The following NRXN3 variants were observed in gnomAD, a reference collection of about 807,000 sequenced individuals.
NRXN3 encodes neurexin 3.
Under a neutral mutation model 137.6 loss-of-function variants are expected in NRXN3, and 32 were observed. The ratio of observed to expected loss-of-function variants is 0.23; its 90% CI spans 0.18 to 0.31. The LOEUF is 0.31. Among genes scored for constraint, NRXN3 ranks in the 10% least tolerant of loss-of-function variants. The pLI, the probability that NRXN3 is intolerant of heterozygous loss-of-function variation, is 1.00. For missense variants in NRXN3, 1,574 were observed against 2,062.5 expected, an observed-to-expected ratio of 0.76 and a Z score of 4.59; for synonymous variants, 798 against 784.5, an observed-to-expected ratio of 1.02 and a Z score of -0.29.
intron 16 of NRXN3, among the ~76,000 whole-genome samples, chr14:79,545,693 T>C (rs553207480): frequency 6.6e-6 from 1 of 152,150 alleles, no homozygotes; most frequent in African/African-American, 2.4e-5. Flanking sequence ...TTGTTGTTTT[T>C]TCACCAGGAA....
At chr14:79,163,161 A>G (rs531209079) in intron 15 of NRXN3, among the ~76,000 whole-genome samples, 1 of 152,076 alleles carries the variant, frequency 6.6e-6, no homozygotes, top group East Asian at 2.0e-4. Flanking sequence ...GTTTACAAAA[A>G]TAAACTTATC....
In NRXN3 at chr14:78,226,077, C is replaced by T. The variant is rs532996896; in HGVS notation, c.-703-16314C>T. Among the ~76,000 whole-genome samples, 14 of 152,072 alleles carry T rather than the reference C, an allele frequency of 9.2e-5. No homozygotes were observed. In the South Asian group the frequency reaches 2.9e-3, roughly 32 times the overall value. Reference sequence around the variant, plus strand: ...AGAATGCAGTGGCCTGATCTCCGCTCACTGCAACATCTGCCTCCTGGGTTC... The same window carrying T: ...AGAATGCAGTGGCCTGATCTCCGCTTACTGCAACATCTGCCTCCTGGGTTC... On this transcript the variant is annotated intron_variant, in intron 1 of 20. Transcript: ENST00000335750.
intron 20 of NRXN3, among the ~76,000 whole-genome samples, chr14:79,825,206 C>CTTT (rs11449914): frequency 0.12 from 14,691 of 117,592 alleles, 1,242 homozygotes; most frequent in South Asian, 0.21. Flanking sequence ...TCTTTGTGTG[C>CTTT]TTTTTTTTTT....
chr14:78,450,367 G>T (rs11624575), intron 4 of NRXN3, among the ~76,000 whole-genome samples: 7 of 152,224 alleles, frequency 4.6e-5, no homozygotes, highest in East Asian at 3.8e-4. Flanking sequence ...TGTTTGTGCA[G>T]CTGTGTGCAT....
intron 11 of NRXN3, among the ~76,000 whole-genome samples, chr14:78,963,312 A>G (rs17108425): frequency 0.034 from 5,153 of 152,214 alleles, 296 homozygotes; most frequent in African/African-American, 0.12. Context: ...TGGAACCTCA[A>G]TCTTCACCAG....
intron 4 of NRXN3, among the ~76,000 whole-genome samples, chr14:78,301,187 C>G (rs1480176993): frequency 6.6e-6 from 1 of 151,566 alleles, no homozygotes; most frequent in African/African-American, 2.4e-5. Context: ...TCTTTTTTTC[C>G]TGTGTTGTTT....
intron 4 of NRXN3, among the ~76,000 whole-genome samples, chr14:78,323,836 T>C (rs1343487218): frequency 6.6e-6 from 1 of 151,908 alleles, no homozygotes; most frequent in East Asian, 1.9e-4. Context: ...GGTTTTGGGG[T>C]ATAAATATGA....
At chr14:78,380,629 G>T (rs1567421753) in intron 4 of NRXN3, among the ~76,000 whole-genome samples, 1 of 152,164 alleles carries the variant, frequency 6.6e-6, no homozygotes, top group African/African-American at 2.4e-5. Context: ...CCTCCAGAGG[G>T]AGTGCAAACT....
intron 15 of NRXN3, among the ~76,000 whole-genome samples, chr14:79,040,271 A>G (rs2099623031): frequency 6.6e-6 from 1 of 152,220 alleles, no homozygotes. Context: ...CAGGCCCAAT[A>G]GTTGTTCTAA....
At chr14:79,769,479 A>C (rs1239782607) in intron 19 of NRXN3, among the ~76,000 whole-genome samples, 3 of 152,140 alleles carry the variant, frequency 2.0e-5, no homozygotes, top group South Asian at 2.1e-4. Context: ...CAACATTCTT[A>C]AAGAAAAGAA....
chr14:78,943,615 AAAAAAAATATATATATATATATATAT>A (rs1251249322), intron 10 of NRXN3, among the ~76,000 whole-genome samples: 17 of 42,486 alleles, frequency 4.0e-4, no homozygotes, highest in African/African-American at 1.4e-3. Flanking sequence ...ACTGTTAAAA[AAAAAAAATATATATATATATATATAT>A]ATATATATAT....
intron 10 of NRXN3, among the ~76,000 whole-genome samples, chr14:78,879,025 T>G (rs1407315535): frequency 2.6e-5 from 4 of 152,150 alleles, no homozygotes; most frequent in Non-Finnish European, 4.4e-5. Context: ...TGTTACAAAT[T>G]AGGAGATTTT....
At chr14:78,182,995 T>C (rs2059944943) in intron 1 of NRXN3, among the ~76,000 whole-genome samples, 1 of 152,138 alleles carries the variant, frequency 6.6e-6, no homozygotes, top group Admixed American at 6.5e-5. Flanking sequence ...GCATCCTGCC[T>C]GGACATCACC....
intron 16 of NRXN3, among the ~76,000 whole-genome samples, chr14:79,574,301 G>T (rs533106172): frequency 2.0e-5 from 3 of 152,016 alleles, no homozygotes; most frequent in East Asian, 3.9e-4. Context: ...ATAGCATAAA[G>T]GTTAAGAGTG....
chr14:79,711,791 G>A (rs1164114847), intron 19 of NRXN3, among the ~76,000 whole-genome samples: 1 of 152,036 alleles, frequency 6.6e-6, no homozygotes, highest in African/African-American at 2.4e-5. Context: ...CCTTCCTGAA[G>A]GGTGGCCCAT....
chr14:78,932,469 A>T (rs561888419), intron 10 of NRXN3, among the ~76,000 whole-genome samples: 38 of 152,322 alleles, frequency 2.5e-4, no homozygotes, highest in Admixed American at 2.2e-3. Context: ...TTTAATAATC[A>T]CAATTGAAGT....
At chr14:78,803,534 T>C in intron 8 of NRXN3, 86 bp from the exon 9 acceptor site, 1 of 1,241,982 alleles carries the variant, frequency 8.1e-7, no homozygotes. Flanking sequence ...TGGCACCCTC[T>C]CTACTCGCTT....
At chr14:79,222,008 GA>G (rs377032210) in intron 15 of NRXN3, among the ~76,000 whole-genome samples, 4,171 of 152,132 alleles carry the variant, frequency 0.027, 137 homozygotes, top group South Asian at 0.085. Flanking sequence ...GTTAAATAGG[GA>G]AATCCTTTCC....
chr14:79,035,390 C>T (rs771924368), intron 15 of NRXN3, among the ~76,000 whole-genome samples: 121 of 152,132 alleles, frequency 8.0e-4, no homozygotes, highest in Non-Finnish European at 1.5e-3. Context: ...TTATATAAAA[C>T]GTGCCATATT....
Sources: gnomAD v4.1 joint callset for allele counts (sites outside exome capture counted in the v4.1 genomes callset) on GRCh38, gnomAD v4.1.1 for gene constraint, MANE v1.5 for transcripts, NCBI Gene and HGNC (gene_info 2026-07-23, HGNC 2026-07-21) for gene names.